The following HIVEP3 variants were observed in gnomAD, a reference collection of about 807,000 sequenced individuals.
HIVEP3 encodes HIVEP zinc finger 3.
In HIVEP3, 49 loss-of-function variants were observed where a neutral mutation model predicts 152.8. That is an observed-to-expected ratio of 0.32 (90% confidence interval 0.26 to 0.41). The LOEUF (loss-of-function observed/expected upper bound fraction) is 0.41, where lower values mean the gene tolerates loss of function less well. HIVEP3 is among the 10% of genes least tolerant of loss of function. The probability of loss-of-function intolerance (pLI) is 1.00; values close to 1 mark genes in which losing one functional copy is unlikely to be tolerated. For synonymous variants in HIVEP3, 1,269 were observed against 1,289.0 expected (o/e 0.98, Z 0.33); for missense variants, 2,790 against 3,103.3 (o/e 0.90, Z 2.40).
intron 2 of HIVEP3, among the ~76,000 whole-genome samples, chr1:41,653,026 T>TC (rs1378317407): frequency 3.6e-5 from 4 of 109,616 alleles, no homozygotes; most frequent in Non-Finnish European, 5.7e-5. Context: ...ATAAAAGAAA[T>TC]TAAGCTAACA....
At chr1:41,806,715 G>T (rs1333803440) in intron 1 of HIVEP3, among the ~76,000 whole-genome samples, 1 of 152,216 alleles carries the variant, frequency 6.6e-6, no homozygotes, top group Admixed American at 6.5e-5. Context: ...GGGCAAGGAG[G>T]CCTTGGAAGG....
At chr1:41,606,754 G>A (rs1644828435) in intron 3 of HIVEP3, among the ~76,000 whole-genome samples, 1 of 151,818 alleles carries the variant, frequency 6.6e-6, no homozygotes, top group African/African-American at 2.4e-5. Context: ...AGTTTGACAG[G>A]ATGACTCTTA....
At chr1:41,743,294 A>G (rs1349333516) in intron 1 of HIVEP3, among the ~76,000 whole-genome samples, 3 of 152,214 alleles carry the variant, frequency 2.0e-5, no homozygotes, top group Non-Finnish European at 2.9e-5. Context: ...GGCCTGGTAC[A>G]AGGTAGACAC....
intron 1 of HIVEP3, among the ~76,000 whole-genome samples, chr1:41,717,364 G>C (rs1026044538): frequency 6.6e-6 from 1 of 152,250 alleles, no homozygotes. Context: ...AATTCTAATA[G>C]GGGAAACAGA....
At chr1:41,795,811 CTTGCTTTG>C (rs1364459384) in intron 1 of HIVEP3, among the ~76,000 whole-genome samples, 2 of 151,982 alleles carry the variant, frequency 1.3e-5, no homozygotes, top group African/African-American at 4.8e-5. Context: ...CTTTTTTTGT[CTTGCTTTG>C]TTTTTTGTTT....
chr1:41,680,659 G>A (rs920862021), intron 2 of HIVEP3, among the ~76,000 whole-genome samples: 1 of 152,206 alleles, frequency 6.6e-6, no homozygotes, highest in African/African-American at 2.4e-5. Context: ...ATCTTTTAAA[G>A]CAGAATGTGG....
At chr1:41,518,108 G>A (rs1193607890) in intron 7 of HIVEP3, among the ~76,000 whole-genome samples, 1 of 152,210 alleles carries the variant, frequency 6.6e-6, no homozygotes, top group Admixed American at 6.5e-5. Context: ...AACATTCACT[G>A]AGCACCCATG....
At chr1:41,826,480 C>A (rs1233070565) in intron 1 of HIVEP3, among the ~76,000 whole-genome samples, 1 of 152,200 alleles carries the variant, frequency 6.6e-6, no homozygotes, top group Non-Finnish European at 1.5e-5. Flanking sequence ...ATGGCACAAT[C>A]TCAGCTCACT....
chr1:41,581,836 T>A lies in HIVEP3; in HGVS notation c.2962A>T (p.Met988Leu). 1 of 1,596,998 alleles carries A rather than the reference T, an allele frequency of 6.3e-7. No homozygotes were observed. Reference sequence around the variant, plus strand: ...CTCTGCTCTGAGGCTGACCTCCGCATCTCTCGGGCATGTGGGTGGTGGCTG... The same window carrying A: ...CTCTGCTCTGAGGCTGACCTCCGCAACTCTCGGGCATGTGGGTGGTGGCTG... ...VPSHHPHARE[M>L]RRSASEQSPN... The change falls in exon 4 of 9, where the codon ATG (methionine) becomes TTG (leucine). Residue 988 changes from methionine to leucine, a missense_variant. Met to Leu is a conservative substitution (Grantham distance 15). Around this residue, in one of 9 missense-constraint regions of HIVEP3, gnomAD observed 1,078 missense variants for 1,165.3 expected, o/e 0.93. Transcript: ENST00000372583. This position sits in a 1 kb window ranked among gnomAD's most constrained non-coding sequence, Gnocchi z 4.5.
intron 1 of HIVEP3, among the ~76,000 whole-genome samples, chr1:41,892,602 G>T (rs763108745): frequency 3.3e-5 from 5 of 152,186 alleles, no homozygotes; most frequent in East Asian, 3.8e-4. Context: ...AATGTTGAAC[G>T]TTGGCTCTCC....
chr1:41,915,866 T>C lies in HIVEP3; in HGVS notation c.-801+2547A>G, dbSNP rs968716408. On this transcript the variant is annotated intron_variant, in intron 1 of 8. Transcript: ENST00000372583. ...TGCTGCCTGTTGATACAGCCAGTGTTTTCCAGCCCTGCCCGCCTAGTGCAT... is the reference window on the plus strand; with the variant it reads ...TGCTGCCTGTTGATACAGCCAGTGTCTTCCAGCCCTGCCCGCCTAGTGCAT... Among the ~76,000 whole-genome samples, 58 of 152,218 alleles carry C rather than the reference T, an allele frequency of 3.8e-4. 1 individual carries two copies. Among genetic ancestry groups the C allele is most frequent in the Admixed American group, 2.0e-4 (3 of 15,284 alleles).
chr1:41,975,616 C>T lies in HIVEP3; in HGVS notation n.120-57092G>A, dbSNP rs143024423. Among the ~76,000 whole-genome samples the T allele has an allele frequency of 8.5e-5, 13 of 152,318 alleles. No homozygotes were observed. The South Asian group carries it at 1.4e-3, about 17-fold the overall frequency. On this transcript the variant is annotated intron_variant and non_coding_transcript_variant, in intron 1 of 3. Coordinates refer to the HIVEP3 transcript ENST00000489103. ...ATTTATACAATTTTTATAGTTCATTCAGTTGGTTGGTTAGGATGAGTCTAT... is the reference window on the plus strand; with the variant it reads ...ATTTATACAATTTTTATAGTTCATTTAGTTGGTTGGTTAGGATGAGTCTAT...
intron 2 of HIVEP3, among the ~76,000 whole-genome samples, chr1:41,691,994 G>A (rs537803586): frequency 9.3e-4 from 141 of 151,696 alleles, no homozygotes; most frequent in African/African-American, 3.0e-3. Context: ...ACAGGCCTGC[G>A]CCACCATGCC....
intron 6 of HIVEP3, 46 bp downstream of exon 6, chr1:41,524,689 C>T (rs768622940): frequency 1.7e-5 from 26 of 1,549,396 alleles, no homozygotes; most frequent in Non-Finnish European, 2.3e-5. Flanking sequence ...CAGAGGGGAG[C>T]TCCCTGCAGC....
intron 2 of HIVEP3, among the ~76,000 whole-genome samples, chr1:41,676,757 TG>T (rs1645962992): frequency 6.6e-6 from 1 of 152,210 alleles, no homozygotes; most frequent in Admixed American, 6.5e-5. Flanking sequence ...GCCACCATCC[TG>T]GCCAGGGCAG....
At chr1:41,814,236 G>C (rs1256086455) in intron 1 of HIVEP3, among the ~76,000 whole-genome samples, 1 of 152,180 alleles carries the variant, frequency 6.6e-6, no homozygotes, top group African/African-American at 2.4e-5. Flanking sequence ...GTGTCCCTCA[G>C]CCAGCACTCA....
At chr1:41,966,256 T>TA (rs1376295495) in intron 1 of HIVEP3, among the ~76,000 whole-genome samples, 1 of 151,572 alleles carries the variant, frequency 6.6e-6, no homozygotes, top group Non-Finnish European at 1.5e-5. Flanking sequence ...GAAAAACCAT[T>TA]ACCAGCCACT....
At chr1:41,806,622 C>T (rs1041951907) in intron 1 of HIVEP3, among the ~76,000 whole-genome samples, 1 of 152,240 alleles carries the variant, frequency 6.6e-6, no homozygotes, top group African/African-American at 2.4e-5. Flanking sequence ...AGGGCCAGCG[C>T]AGGTGGCTCC....
chr1:41,777,905 TG>T (rs1194086019), intron 1 of HIVEP3, among the ~76,000 whole-genome samples: 1 of 152,196 alleles, frequency 6.6e-6, no homozygotes, highest in Non-Finnish European at 1.5e-5. Flanking sequence ...AATAGTGGTA[TG>T]CATCAGATTA....
Sources: gnomAD v4.1 joint callset for allele counts (sites outside exome capture counted in the v4.1 genomes callset) on GRCh38, gnomAD v4.1.1 for gene constraint, gnomAD v4.1.1 regional missense constraint, Gnocchi (gnomAD v3.1) non-coding constraint, MANE v1.5 for transcripts, NCBI Gene and HGNC (gene_info 2026-07-23, HGNC 2026-07-21) for gene names.